ADAMTS18: variants seen among roughly 807,000 people sequenced by gnomAD.
ADAMTS18 encodes the protein ADAM metallopeptidase with thrombospondin type 1 motif 18, also known as A disintegrin and metalloproteinase with thrombospondin motifs 18.
In ADAMTS18, 157 loss-of-function variants were observed where a neutral mutation model predicts 165.9. The ratio of observed to expected loss-of-function variants is 0.95; its 90% CI spans 0.83 to 1.08. The LOEUF is 1.08. Ranked by LOEUF, ADAMTS18 falls within the 50% of genes least tolerant of loss-of-function variation. ADAMTS18 has a pLI of 0.00. For missense variants in ADAMTS18, 2,040 were observed against 1,534.0 expected (o/e 1.33, Z -5.51); for synonymous variants, 782 against 578.2 (o/e 1.35, Z -5.06).
chr16:77,320,808 C>T (rs549983662), intron 15 of ADAMTS18, among the ~76,000 whole-genome samples: 1 of 152,278 alleles, frequency 6.6e-6, no homozygotes, highest in African/African-American at 2.4e-5. Flanking sequence ...TGTTTCTTTG[C>T]TTAACAAATG....
At chr16:77,422,900 T>C (rs755933350) in intron 3 of ADAMTS18, among the ~76,000 whole-genome samples, 1 of 152,178 alleles carries the variant, frequency 6.6e-6, no homozygotes, top group African/African-American at 2.4e-5. Context: ...GTGTGATGCA[T>C]TCCACAAAGC....
chr16:77,380,195 G>T (rs1185136024), intron 3 of ADAMTS18, among the ~76,000 whole-genome samples: 2 of 152,136 alleles, frequency 1.3e-5, no homozygotes, highest in Admixed American at 1.3e-4. Context: ...TAACTAACAT[G>T]ACTTTGACTA....
At chr16:77,383,244 C>T (rs190588407) in intron 3 of ADAMTS18, among the ~76,000 whole-genome samples, 7 of 151,800 alleles carry the variant, frequency 4.6e-5, no homozygotes, top group Non-Finnish European at 7.4e-5. Context: ...TCGCTTTTAA[C>T]GGGTCATTCA....
At chr16:77,389,141 A>T (rs2057150655) in intron 3 of ADAMTS18, among the ~76,000 whole-genome samples, 1 of 152,188 alleles carries the variant, frequency 6.6e-6, no homozygotes, top group South Asian at 2.1e-4. Flanking sequence ...CTCTACCAAA[A>T]ATACAAAAAA....
chr16:77,367,604 C>T lies in ADAMTS18; in HGVS notation c.615G>A (p.Arg205=), dbSNP rs2056816493. 16 of 1,614,156 alleles carry T rather than the reference C, an allele frequency of 9.9e-6. No individual in the cohort carries two copies. Among genetic ancestry groups the T allele is most frequent in the Non-Finnish European group, 1.3e-5 (15 of 1,180,026 alleles). The part of the protein sequence containing the change: ...AGHHPHVLYK[R]TAEEKIQRYR... Reference sequence around the variant, plus strand: ...ACCGCTGGATCTTCTCCTCTGCTGTCCTTTTGTACAGTACGTGAGGATGGT... The same window carrying T: ...ACCGCTGGATCTTCTCCTCTGCTGTTCTTTTGTACAGTACGTGAGGATGGT... Residue 205 remains arginine (R), a synonymous_variant, in exon 4 of 23, where the codon AGG becomes AGA. Transcript: ENST00000282849.
At chr16:77,425,752 G>C (rs2057663378) in intron 3 of ADAMTS18, among the ~76,000 whole-genome samples, 1 of 152,094 alleles carries the variant, frequency 6.6e-6, no homozygotes, top group Admixed American at 6.6e-5. Flanking sequence ...TTCAAAAAGA[G>C]GAGGAGTGGG....
chr16:77,410,531 T>C (rs1206751232), intron 3 of ADAMTS18, among the ~76,000 whole-genome samples: 1 of 152,128 alleles, frequency 6.6e-6, no homozygotes, highest in Non-Finnish European at 1.5e-5. Context: ...GAGAACTGCA[T>C]CCCTAATCCT....
intron 10 of ADAMTS18, among the ~76,000 whole-genome samples, chr16:77,347,984 C>T (rs1529496): frequency 0.48 from 72,822 of 151,870 alleles, 18,204 homozygotes; most frequent in East Asian, 0.88. Flanking sequence ...AAAGTACTAT[C>T]TGATACATAA....
At chr16:77,373,480 GAAAGA>G (rs1555520848) in intron 3 of ADAMTS18, among the ~76,000 whole-genome samples, 1 of 148,722 alleles carries the variant, frequency 6.7e-6, no homozygotes, top group Non-Finnish European at 1.5e-5. Context: ...AAAAAAAAAA[GAAAGA>G]AAAGAAAAGA....
At chr16:77,334,767 AT>A (rs2056272249) in intron 12 of ADAMTS18, among the ~76,000 whole-genome samples, 2 of 84,944 alleles carry the variant, frequency 2.4e-5, no homozygotes, top group Non-Finnish European at 4.3e-5. Context: ...AGTATACAGT[AT>A]ATATACTATA....
chr16:77,402,445 CT>C (rs933017656), intron 3 of ADAMTS18, among the ~76,000 whole-genome samples: 3 of 152,120 alleles, frequency 2.0e-5, no homozygotes, highest in Non-Finnish European at 4.4e-5. Context: ...ATAGAGAGGG[CT>C]TTTCCAGGCT....
At chr16:77,419,259 C>A (rs1430314496) in intron 3 of ADAMTS18, among the ~76,000 whole-genome samples, 1 of 152,160 alleles carries the variant, frequency 6.6e-6, no homozygotes, top group Non-Finnish European at 1.5e-5. Context: ...AGGCTACATT[C>A]CTTTTTGGAG....
Position 77,341,815 on chromosome 16 carries a change from AG to A in ADAMTS18, c.1615-17del. 6 of 1,549,156 alleles carry A rather than the reference AG, an allele frequency of 3.9e-6. No homozygotes were observed. Among genetic ancestry groups the A allele is most frequent in the Non-Finnish European group, 5.3e-6 (6 of 1,130,668 alleles). On this transcript the variant is annotated splice_polypyrimidine_tract_variant and intron_variant, in intron 10 of 22. Coordinates refer to ENST00000282849, the MANE Select transcript of ADAMTS18 (RefSeq NM_199355.4). ...TGCAAATATCCTGAAATAAAAAAAA[AG>A]GGGGGTGCTGTTAATGGTGATATAC... is the stretch of plus-strand genomic sequence containing the variant.
intron 3 of ADAMTS18, among the ~76,000 whole-genome samples, chr16:77,418,189 C>G (rs527621119): frequency 6.6e-6 from 1 of 152,242 alleles, no homozygotes; most frequent in South Asian, 2.1e-4. Flanking sequence ...ACTCCCAGCC[C>G]ACACACACCA....
rs1454593433 is a variant in ADAMTS18 at position 77,294,935 on chromosome 16, T to A, written c.2994A>T (p.Gly998=). 1 of 1,613,950 alleles carries A rather than the reference T, an allele frequency of 6.2e-7. No individual in the cohort carries two copies. The highest frequency in any genetic ancestry group is 1.3e-5 in the African/African-American group (1 of 74,980). ...SHACPPQWSL[G]PWSQCSKTCG... ...TTTCTCCTGTTACCTGAGACCAGGG[T>A]CCAAGGCTCCATTGTGGAGGGCAGG... Residue 998 remains glycine (G), a synonymous_variant, in exon 19 of 23, where the codon GGA becomes GGT. Transcript: ENST00000282849.
At chr16:77,289,078 T>A (rs1277308983) in intron 22 of ADAMTS18, among the ~76,000 whole-genome samples, 186 bp downstream of exon 22, 1 of 152,078 alleles carries the variant, frequency 6.6e-6, no homozygotes, top group Non-Finnish European at 1.5e-5. Context: ...CTGAAAAAGA[T>A]TATTTGGACA....
At chr16:77,324,028 C>T (rs1299571483) in intron 13 of ADAMTS18, among the ~76,000 whole-genome samples, 1 of 152,232 alleles carries the variant, frequency 6.6e-6, no homozygotes, top group Non-Finnish European at 1.5e-5. Context: ...ATTTGTTTAA[C>T]TTTCTCCTTA....
intron 3 of ADAMTS18, among the ~76,000 whole-genome samples, chr16:77,402,923 C>T (rs777119676): frequency 6.6e-6 from 1 of 152,186 alleles, no homozygotes; most frequent in Non-Finnish European, 1.5e-5. Context: ...GAAACACAAC[C>T]TCTCTCAAAT....
Position 77,364,733 on chromosome 16 carries a change from AAAG to A in ADAMTS18, c.779-355_779-353del, listed in dbSNP as rs1280109739. Among the ~76,000 whole-genome samples, 2 of 130,464 alleles carry A rather than the reference AAAG, an allele frequency of 1.5e-5. 1 individual carries two copies. Among genetic ancestry groups the A allele is most frequent in the Non-Finnish European group, 3.1e-5 (2 of 63,496 alleles). 85.6% of individuals were successfully genotyped at this position (130,464 alleles called of 152,430 possible). A position where few individuals can be genotyped will look rare whatever the true frequency, so the allele number is the denominator to read the frequency against. ...TCAAAAATGCTCTAAAAGGAAAAAA[AAAG>A]AAAGAAAGAAAAGAAAAGAAGAAAG... On this transcript the variant is annotated intron_variant, in intron 4 of 22. Transcript: ENST00000282849.
Sources: gnomAD v4.1 joint callset for allele counts (sites outside exome capture counted in the v4.1 genomes callset) on GRCh38, gnomAD v4.1.1 for gene constraint, MANE v1.5 for transcripts, NCBI Gene and HGNC (gene_info 2026-07-23, HGNC 2026-07-21) for gene names.